Variants in ADGRB2 observed in about 807,000 individuals in gnomAD.
ADGRB2 encodes adhesion G protein-coupled receptor B2, also known as brain-specific angiogenesis inhibitor 2.
In ADGRB2, 47 loss-of-function variants were observed where a neutral mutation model predicts 178.7. The ratio of observed to expected loss-of-function variants is 0.26; its 90% CI spans 0.21 to 0.34. ADGRB2 has a LOEUF of 0.34. ADGRB2 is among the 10% of genes least tolerant of loss of function. The pLI is 1.00. For missense variants in ADGRB2, 1,584 were observed against 2,180.8 expected (o/e 0.73, Z 5.45); for synonymous variants, 870 against 912.4 (o/e 0.95, Z 0.84).
chr1:31,756,424 C>A lies in ADGRB2; in HGVS notation c.413G>T (p.Gly138Val), dbSNP rs199501243. Residue 138 changes from glycine (G) to valine (V), a missense_variant, in exon 4 of 33, where the codon GGG becomes GTG. Gly to Val is a moderately radical substitution (Grantham distance 109). Coordinates refer to ENST00000373658, the MANE Select transcript of ADGRB2 (RefSeq NM_001364857.2). This position sits in a 1 kb window ranked among gnomAD's most constrained non-coding sequence, Gnocchi z 8.5. ...GCCTGAGCCGCTGCACAGCTCCAAC[C>A]CCGCTGCCGCCTCTGCCTCCTCCTC... Reference protein sequence around the residue: ...PEEEEAEAAAGLELCSGSGPF... With the variant: ...PEEEEAEAAAVLELCSGSGPF... 1.2e-6 allele frequency: 2 copies of A among 1,612,326 alleles called. No homozygotes were observed. The highest frequency in any genetic ancestry group is 8.5e-7 in the Non-Finnish European group (1 of 1,179,508).
rs182991624 is a variant in ADGRB2, at chr1:31,753,751, C to A, written c.838+2248G>T. ...CGGTGCCACGGACCCTCAGACATGCCCTGACATGTGGAACAAACAGTCATG... is the reference window on the plus strand; with the variant it reads ...CGGTGCCACGGACCCTCAGACATGCACTGACATGTGGAACAAACAGTCATG... On this transcript the variant is annotated intron_variant, in intron 4 of 32. Coordinates refer to ENST00000373658, the MANE Select transcript of ADGRB2 (RefSeq NM_001364857.2). The surrounding 1 kb of genome is among the most constrained non-coding windows in gnomAD (Gnocchi z 4.1). 6.6e-6 allele frequency among the ~76,000 whole-genome samples: 1 copy of A among 152,320 alleles called. No individual in the cohort carries two copies. Among genetic ancestry groups the A allele is most frequent in the East Asian group, 1.9e-4 (1 of 5,172 alleles).
Position 31,737,644 on chromosome 1 carries a change from A to G in ADGRB2, c.2876+8T>C. On this transcript the variant is annotated splice_region_variant and intron_variant, in intron 19 of 32. Coordinates refer to ENST00000373658, the MANE Select transcript of ADGRB2 (RefSeq NM_001364857.2). ...CCCCCAGCCACAAGAGCCAGGTGTC[A>G]GACCTACCTCCAAAAGGCGGCATAG... is the stretch of plus-strand genomic sequence containing the variant. 1.9e-6 allele frequency: 3 copies of G among 1,613,638 alleles called. No homozygotes were observed. The highest frequency in any genetic ancestry group is 2.5e-6 in the Non-Finnish European group (3 of 1,179,714).
chr1:31,733,207 G>T lies in ADGRB2; in HGVS notation c.3453-64C>A. 6.6e-7 allele frequency: 1 copy of T among 1,513,738 alleles called. No homozygotes were observed. 93.8% of individuals were successfully genotyped at this position (1,513,738 alleles called of 1,614,324 possible). A position where few individuals can be genotyped will look rare whatever the true frequency, so the allele number is the denominator to read the frequency against. ...CGGGGGACAGGATGGCTTGAGCCTA[G>T]GCCTCCACTCAGCTGGAGCTCTTCA... On this transcript the variant is annotated intron_variant, in intron 25 of 32. Coordinates refer to ENST00000373658, the MANE Select transcript of ADGRB2 (RefSeq NM_001364857.2). This position sits in a 1 kb window ranked among gnomAD's most constrained non-coding sequence, Gnocchi z 4.3.
chr1:31,732,495 C>A, intron 27 of ADGRB2, 22 bp downstream of exon 27: 1 of 1,613,340 alleles, frequency 6.2e-7, no homozygotes, highest in Non-Finnish European at 8.5e-7. Flanking sequence ...CTGCCCAGGC[C>A]CTGCCCAGGC....
At chr1:31,749,584 T>C (rs914118261) in intron 4 of ADGRB2, among the ~76,000 whole-genome samples, 3 of 152,234 alleles carry the variant, frequency 2.0e-5, no homozygotes, top group African/African-American at 7.2e-5. Flanking sequence ...AAAACAGAGA[T>C]GTGGACTGTC....
Position 31,728,157 on chromosome 1 carries a change from G to A in ADGRB2, c.4515+25C>T, listed in dbSNP as rs1337457322. On this transcript the variant is annotated intron_variant, in intron 31 of 32. Coordinates refer to ENST00000373658, the MANE Select transcript of ADGRB2 (RefSeq NM_001364857.2). The surrounding 1 kb of genome is among the most constrained non-coding windows in gnomAD (Gnocchi z 6.7). ...GGTCAGGCCCTGAGCTTCAGGGCAG[G>A]GGCAGCCACGGGAGGAGCCCTCACC... 6.2e-7 allele frequency: 1 copy of A among 1,613,996 alleles called. No individual in the cohort carries two copies. The highest frequency in any genetic ancestry group is 8.5e-7 in the Non-Finnish European group (1 of 1,179,982).
rs147230286 is a variant in ADGRB2, at chr1:31,727,443, C to T, written c.4735G>A (p.Gly1579Ser). The change falls in exon 33 of 33, where the codon GGT becomes AGT. Residue 1579 changes from glycine (G) to serine (S), a missense_variant. Physicochemically the swap from Gly to Ser is moderately conservative, Grantham distance 56. Coordinates refer to ENST00000373658, the MANE Select transcript of ADGRB2 (RefSeq NM_001364857.2). This position sits in a 1 kb window ranked among gnomAD's most constrained non-coding sequence, Gnocchi z 4.4. The part of the protein sequence containing the change: ...AAWEPTEPPD[G>S]DFQTEV ...ACTCACACCTCTGTCTGGAAGTCAC[C>T]ATCCGGTGGTTCTGTGGGCTCCCAG... 1.3e-4 allele frequency: 199 copies of T among 1,587,494 alleles called. 1 individual carries two copies. The Admixed American group carries it at 1.7e-3, about 14-fold the overall frequency.
rs1054787951 is a variant in ADGRB2 at position 31,727,890 on chromosome 1, G to A, written c.4572+135C>T. The A allele has an allele frequency of 8.3e-6, 10 of 1,201,300 alleles. No homozygotes were observed. The highest frequency in any genetic ancestry group is 1.5e-5 in the African/African-American group (1 of 64,938). 74.4% of individuals were successfully genotyped at this position (1,201,300 alleles called of 1,614,324 possible). ...TGCAGCACCTTCCCCACCCCCAGGCGGCCCCAGACTGTTGCCCATGCCGTG... is the reference window on the plus strand; with the variant it reads ...TGCAGCACCTTCCCCACCCCCAGGCAGCCCCAGACTGTTGCCCATGCCGTG... On this transcript the variant is annotated intron_variant, in intron 32 of 32. Coordinates refer to ENST00000373658, the MANE Select transcript of ADGRB2 (RefSeq NM_001364857.2). The surrounding 1 kb of genome is among the most constrained non-coding windows in gnomAD (Gnocchi z 4.4).
intron 4 of ADGRB2, among the ~76,000 whole-genome samples, chr1:31,745,345 G>A (rs1646218419): frequency 6.6e-6 from 1 of 152,196 alleles, no homozygotes; most frequent in South Asian, 2.1e-4. Context: ...AAGGGGCCTA[G>A]GACAAGTGCC....
chr1:31,738,935 G>C lies in ADGRB2; in HGVS notation c.2498C>G (p.Pro833Arg), dbSNP rs777293623. ...CACCCGGGATGTGACGGCCAGCGGG[G>C]GCCTGCGGGACAGGTACCGAAGTCA... ...TLGLILPPPR[P>R]PLAVTSRVMT... The change falls in exon 16 of 33, where the codon CCC becomes CGC. Residue 833 changes from proline to arginine, a missense_variant and splice_region_variant. Around this residue, in one of 3 missense-constraint regions of ADGRB2, gnomAD observed 865 missense variants for 1,192.8 expected, o/e 0.73. Coordinates refer to ENST00000373658, the MANE Select transcript of ADGRB2 (RefSeq NM_001364857.2). 6.2e-7 allele frequency: 1 copy of C among 1,608,588 alleles called. No homozygotes were observed. The highest frequency in any genetic ancestry group is 1.3e-5 in the African/African-American group (1 of 74,882).
At position 31,731,021 on chromosome 1, in the gene ADGRB2, T is replaced by C. The variant is rs1645253850; in HGVS notation, c.4159A>G (p.Lys1387Glu). 1 of 1,584,694 alleles carries C rather than the reference T, an allele frequency of 6.3e-7. No homozygotes were observed. The highest frequency in any genetic ancestry group is 8.6e-7 in the Non-Finnish European group (1 of 1,162,742). The part of the protein sequence containing the change: ...RPEGTPRRAA[K>E]TVAHTEGYPS... ...TAGCCTTCAGTGTGGGCCACTGTCT[T>C]GGCAGCTCGCCGGGGGGTCCCCTCC... The change falls in exon 29 of 33, where the codon AAG (lysine) becomes GAG (glutamate). Residue 1387 changes from lysine to glutamate, a missense_variant. Lys to Glu is a moderately conservative substitution (Grantham distance 56). Coordinates refer to ENST00000373658, the MANE Select transcript of ADGRB2 (RefSeq NM_001364857.2).
rs1276516780 is a variant in ADGRB2 at position 31,727,326 on chromosome 1, G to A, written c.*94C>T. 6 of 1,405,170 alleles carry A rather than the reference G, an allele frequency of 4.3e-6. No homozygotes were observed. Among genetic ancestry groups the A allele is most frequent in the East Asian group, 3.0e-5 (1 of 33,646 alleles). 87.0% of individuals were successfully genotyped at this position (1,405,170 alleles called of 1,614,324 possible). ...CCTCCCTGCCCAGCCCTCGGGAGAG[G>A]GGAGAGGGCGCTGGCTCCTGGGTAG... On this transcript the variant is annotated 3_prime_UTR_variant, in exon 33 of 33. Transcript: ENST00000373658. The surrounding 1 kb of genome is among the most constrained non-coding windows in gnomAD (Gnocchi z 4.4).
intron 27 of ADGRB2, 149 bp downstream of exon 27, chr1:31,732,368 C>A (rs896762055): frequency 2.9e-5 from 33 of 1,149,486 alleles, no homozygotes; most frequent in Non-Finnish European, 3.6e-5. Flanking sequence ...TTGCCCAATG[C>A]CACCCAGGTG....
In ADGRB2 at chr1:31,755,622, T is replaced by C. The variant is rs1646793208; in HGVS notation, c.838+377A>G. 6.6e-6 allele frequency among the ~76,000 whole-genome samples: 1 copy of C among 152,026 alleles called. No homozygotes were observed. Among genetic ancestry groups the C allele is most frequent in the African/African-American group, 2.4e-5 (1 of 41,394 alleles). On this transcript the variant is annotated intron_variant, in intron 4 of 32. Coordinates refer to ENST00000373658, the MANE Select transcript of ADGRB2 (RefSeq NM_001364857.2). This position sits in a 1 kb window ranked among gnomAD's most constrained non-coding sequence, Gnocchi z 5.1. ...GGGCCTGCCACGATCATTCCCAGCC[T>C]TGGGCCTTTGTGCACCCTTCTTGCT...
rs1569944104 is a variant in ADGRB2, at chr1:31,744,381, CGGCAGG to C, written c.923-30_923-25del. On this transcript the variant is annotated intron_variant, in intron 5 of 32. Coordinates refer to ENST00000373658, the MANE Select transcript of ADGRB2 (RefSeq NM_001364857.2). The surrounding 1 kb of genome is among the most constrained non-coding windows in gnomAD (Gnocchi z 6.7). ...GCCTACGAGAGAGGGACAGCGTCGGCGGCAGGGGGCACCTCCCAAGCACTCAGTCTC... is the reference window on the plus strand; with the variant it reads ...GCCTACGAGAGAGGGACAGCGTCGGCGGGCACCTCCCAAGCACTCAGTCTC... 6.5e-7 allele frequency: 1 copy of C among 1,546,778 alleles called. No individual in the cohort carries two copies. Among genetic ancestry groups the C allele is most frequent in the East Asian group, 2.4e-5 (1 of 40,894 alleles).
rs868495640 is a variant in ADGRB2, at chr1:31,733,798, A to C, written c.3453-655T>G. On this transcript the variant is annotated intron_variant, in intron 25 of 32. Transcript: ENST00000373658. This position sits in a 1 kb window ranked among gnomAD's most constrained non-coding sequence, Gnocchi z 4.3. ...TAAAAGCTGGGGTCGGGCCAGGCCTACACCTCCCTGGCCTCCCTGCCAGGG... is the reference window on the plus strand; with the variant it reads ...TAAAAGCTGGGGTCGGGCCAGGCCTCCACCTCCCTGGCCTCCCTGCCAGGG... 2.0e-5 allele frequency among the ~76,000 whole-genome samples: 3 copies of C among 152,038 alleles called. No individual in the cohort carries two copies. Among genetic ancestry groups the C allele is most frequent in the African/African-American group, 7.2e-5 (3 of 41,388 alleles).
At position 31,737,714 on chromosome 1, in the gene ADGRB2, G is replaced by A. The variant is rs752586005; in HGVS notation, c.2814C>T (p.Ile938=). ...GCGCCATGCACGACACTGCACAGCC[G>A]ATCACCAGGGGGACCGAGGGGGAGC... is the stretch of plus-strand genomic sequence containing the variant. ...LAGSPSVPLV[I]GCAVSCMALL... Residue 938 remains isoleucine (I), a synonymous_variant, in exon 19 of 33, where the codon ATC becomes ATT. Transcript: ENST00000373658. 34 of 1,613,594 alleles carry A rather than the reference G, an allele frequency of 2.1e-5. No homozygotes were observed. The highest frequency in any genetic ancestry group is 1.6e-4 in the Middle Eastern group (1 of 6,070).
At chr1:31,749,262 A>G (rs1646436587) in intron 4 of ADGRB2, among the ~76,000 whole-genome samples, 1 of 152,136 alleles carries the variant, frequency 6.6e-6, no homozygotes, top group Admixed American at 6.5e-5. Context: ...TCCCCAGCTG[A>G]GGAAGTCTTC....
At position 31,744,300 on chromosome 1, in the gene ADGRB2, T is replaced by G. The variant is rs1646155724; in HGVS notation, c.980A>C (p.Gln327Pro). 1.3e-6 allele frequency: 2 copies of G among 1,551,382 alleles called. No individual in the cohort carries two copies. Among genetic ancestry groups the G allele is most frequent in the Middle Eastern group, 1.7e-4 (1 of 5,904 alleles). Residue 327 changes from glutamine to proline, a missense_variant, in exon 6 of 33, where the codon CAG becomes CCG. Physicochemically the swap from Gln to Pro is moderately conservative, Grantham distance 76. This residue lies in a region of ADGRB2 where 657 missense variants were observed against 847.6 expected (regional missense o/e 0.78). Coordinates refer to ENST00000373658, the MANE Select transcript of ADGRB2 (RefSeq NM_001364857.2). This position sits in a 1 kb window ranked among gnomAD's most constrained non-coding sequence, Gnocchi z 6.7. ...PWSVCSLTCG[Q>P]GLQVRTRSCV... is the part of the protein sequence containing the mutation. ...GGAGCGGGTCCGCACCTGCAGACCCTGCCCACACGTCAGGGAACACACGCT... is the reference window on the plus strand; with the variant it reads ...GGAGCGGGTCCGCACCTGCAGACCCGGCCCACACGTCAGGGAACACACGCT...
Sources: allele counts gnomAD v4.1 joint callset (sites outside exome capture counted in the v4.1 genomes callset), GRCh38; gene constraint gnomAD v4.1.1; regional missense constraint gnomAD v4.1.1; non-coding constraint Gnocchi (gnomAD v3.1); transcripts MANE v1.5; gene names NCBI Gene and HGNC (gene_info 2026-07-23, HGNC 2026-07-21).